The following MLIP variants were observed in gnomAD, a reference collection of about 807,000 sequenced individuals.
MLIP encodes muscular LMNA interacting protein, also known as muscular LMNA-interacting protein.
MLIP carries 79 observed loss-of-function variants against 84.8 expected under a neutral mutation model. That is an observed-to-expected ratio of 0.93 (90% CI 0.78 to 1.12). MLIP has a LOEUF of 1.12. Ranked by LOEUF, MLIP falls within the 50% of genes most tolerant of loss-of-function variation. MLIP has a pLI of 0.00. For missense variants in MLIP, 1,257 were observed against 1,160.6 expected, an observed-to-expected ratio of 1.08 and a Z score of -1.21; for synonymous variants, 504 against 463.0, an observed-to-expected ratio of 1.09 and a Z score of -1.14.
intron 11 of MLIP, among the ~76,000 whole-genome samples, chr6:54,223,064 A>T (rs1575220): frequency 0.68 from 102,809 of 151,586 alleles, 37,910 homozygotes; most frequent in Non-Finnish European, 0.81. Flanking sequence ...CCCATTTTTT[A>T]ATTGAGTTAT....
At chr6:54,091,470 G>A (rs1248235405) in intron 1 of MLIP, among the ~76,000 whole-genome samples, 2 of 152,108 alleles carry the variant, frequency 1.3e-5, no homozygotes, top group African/African-American at 4.8e-5. Flanking sequence ...AAATTATTTA[G>A]CAATTGAAGA....
intron 1 of MLIP, among the ~76,000 whole-genome samples, chr6:54,104,263 T>A (rs533203986): frequency 6.6e-6 from 1 of 152,262 alleles, no homozygotes; most frequent in East Asian, 1.9e-4. Flanking sequence ...ATTTTGTTCC[T>A]TTATGGAATA....
At chr6:54,223,486 C>A (rs1195833402) in intron 11 of MLIP, among the ~76,000 whole-genome samples, 1 of 152,024 alleles carries the variant, frequency 6.6e-6, no homozygotes, top group Non-Finnish European at 1.5e-5. Context: ...ACAGTTTTCA[C>A]CACACCATTT....
chr6:54,044,637 T>A lies in MLIP; in HGVS notation c.63+25546T>A, dbSNP rs372992967. Among the ~76,000 whole-genome samples, 34 of 106,536 alleles carry A rather than the reference T, an allele frequency of 3.2e-4. No individual in the cohort carries two copies. In the East Asian group the frequency reaches 7.1e-3, roughly 22 times the overall value. 69.9% of individuals were successfully genotyped at this position (106,536 alleles called of 152,430 possible). On this transcript the variant is annotated intron_variant, in intron 1 of 12. Coordinates refer to the MLIP transcript ENST00000274897. ...CAATCTATTCCAGCCGTGGTAGACGTTTTTTTTTTTTTCTTCAACGTCACC... is the reference window on the plus strand; with the variant it reads ...CAATCTATTCCAGCCGTGGTAGACGATTTTTTTTTTTTCTTCAACGTCACC...
At chr6:54,182,731 A>G (rs981070505) in intron 9 of MLIP, among the ~76,000 whole-genome samples, 2 of 152,226 alleles carry the variant, frequency 1.3e-5, no homozygotes, top group African/African-American at 4.8e-5. Context: ...ACTAACTACC[A>G]GTATAAATTC....
At chr6:54,153,484 T>C (rs1773678893) in intron 5 of MLIP, among the ~76,000 whole-genome samples, 1 of 152,110 alleles carries the variant, frequency 6.6e-6, no homozygotes, top group African/African-American at 2.4e-5. Flanking sequence ...CTATTTAATT[T>C]TTTAAAGCAT....
At chr6:54,043,177 A>G (rs927607238) in intron 1 of MLIP, among the ~76,000 whole-genome samples, 6 of 152,164 alleles carry the variant, frequency 3.9e-5, no homozygotes, top group Non-Finnish European at 7.3e-5. Flanking sequence ...AGTGGGAACA[A>G]GTTCTCCCAA....
chr6:54,158,024 T>C (rs1210168659), intron 5 of MLIP, among the ~76,000 whole-genome samples: 1 of 152,138 alleles, frequency 6.6e-6, no homozygotes, highest in African/African-American at 2.4e-5. Flanking sequence ...AAATTTTATC[T>C]TTTAAAGTCA....
chr6:54,173,215 C>G (rs1313206468), intron 9 of MLIP, among the ~76,000 whole-genome samples: 2 of 151,676 alleles, frequency 1.3e-5, no homozygotes, highest in Non-Finnish European at 3.0e-5. Flanking sequence ...ACAGAGCAGG[C>G]AAAACCCAAC....
At chr6:54,264,014 C>T (rs1258457980) in intron 13 of MLIP, among the ~76,000 whole-genome samples, 1 of 152,018 alleles carries the variant, frequency 6.6e-6, no homozygotes, top group Non-Finnish European at 1.5e-5. Flanking sequence ...CACAAAGTGT[C>T]TAAAACGATG....
chr6:54,237,673 G>C (rs1356753125), intron 12 of MLIP, among the ~76,000 whole-genome samples: 2 of 123,324 alleles, frequency 1.6e-5, no homozygotes, highest in East Asian at 4.5e-4. Context: ...TAGGGAGACT[G>C]TCTCTAAAAA....
At chr6:54,176,608 G>T (rs1280848) in intron 9 of MLIP, among the ~76,000 whole-genome samples, 152,163 of 152,172 alleles carry the variant, frequency 1, 76,077 homozygotes, top group Middle Eastern at 1. Flanking sequence ...ATCAATATTG[G>T]GAAAATGGCC....
chr6:54,102,788 AC>A (rs1768748016), intron 1 of MLIP, among the ~76,000 whole-genome samples: 1 of 152,138 alleles, frequency 6.6e-6, no homozygotes, highest in Admixed American at 6.6e-5. Context: ...CAAAACAAAT[AC>A]ATTTCCCATC....
intron 1 of MLIP, among the ~76,000 whole-genome samples, chr6:54,081,204 G>C (rs991200247): frequency 1.3e-5 from 2 of 151,990 alleles, no homozygotes; most frequent in Non-Finnish European, 2.9e-5. Flanking sequence ...ACCATCCTTG[G>C]GGAGGTGTTA....
chr6:54,050,530 A>C (rs1056158338), intron 1 of MLIP, among the ~76,000 whole-genome samples: 1 of 152,098 alleles, frequency 6.6e-6, no homozygotes, highest in South Asian at 2.1e-4. Flanking sequence ...TATGGTTTGG[A>C]TATTATCCTT....
At chr6:54,215,131 T>G (rs1277884970) in intron 11 of MLIP, 2 of 1,533,664 alleles carry the variant, frequency 1.3e-6, no homozygotes, top group South Asian at 2.4e-5. Context: ...CTGTCCACTT[T>G]ACACTCAGGC....
upstream of MLIP, among the ~76,000 whole-genome samples, chr6:54,109,652 A>T (rs768846574): frequency 6.6e-6 from 1 of 151,968 alleles, no homozygotes; most frequent in Non-Finnish European, 1.5e-5. Context: ...ACCATCTTGA[A>T]TTACTGCCCT....
chr6:54,177,667 C>A (rs1012839163), intron 9 of MLIP, among the ~76,000 whole-genome samples: 1 of 152,084 alleles, frequency 6.6e-6, no homozygotes, highest in Admixed American at 6.6e-5. Context: ...CCAGAAATAC[C>A]ATTTCACCCA....
chr6:54,155,847 T>A (rs915339462), intron 5 of MLIP, among the ~76,000 whole-genome samples: 1 of 152,104 alleles, frequency 6.6e-6, no homozygotes, highest in Non-Finnish European at 1.5e-5. Context: ...CTGAACAAAC[T>A]ACCAACACTT....
Sources: gnomAD v4.1 joint callset for allele counts (sites outside exome capture counted in the v4.1 genomes callset) on GRCh38, gnomAD v4.1.1 for gene constraint, MANE v1.5 for transcripts, NCBI Gene and HGNC (gene_info 2026-07-23, HGNC 2026-07-21) for gene names.